The following ZNF804A variants were observed in gnomAD, a reference collection of about 807,000 sequenced individuals.
ZNF804A encodes the protein zinc finger protein 804A.
ZNF804A carries 2 observed loss-of-function variants against 16.5 expected under a neutral mutation model. That is an observed-to-expected ratio of 0.12 (90% CI 0.05 to 0.38). ZNF804A has a LOEUF of 0.38. ZNF804A is among the 10% of genes least tolerant of loss of function. The pLI is 0.99. For missense variants in ZNF804A, 1,473 were observed against 1,390.7 expected (o/e 1.06, Z -0.94); for synonymous variants, 534 against 489.6 (o/e 1.09, Z -1.20).
intron 1 of ZNF804A, among the ~76,000 whole-genome samples, chr2:184,711,882 C>G (rs1319219242): frequency 6.6e-6 from 1 of 151,656 alleles, no homozygotes; most frequent in Non-Finnish European, 1.5e-5. Flanking sequence ...ATTACTATAG[C>G]ATTGTAGTGT....
chr2:184,673,393 A>G (rs1432181886), intron 1 of ZNF804A, among the ~76,000 whole-genome samples: 1 of 152,208 alleles, frequency 6.6e-6, no homozygotes, highest in Non-Finnish European at 1.5e-5. Context: ...TTGCAATTCA[A>G]GTTACACATT....
At chr2:184,732,886 C>A (rs937549849) in intron 1 of ZNF804A, among the ~76,000 whole-genome samples, 1 of 152,058 alleles carries the variant, frequency 6.6e-6, no homozygotes, top group East Asian at 1.9e-4. Flanking sequence ...TGTTTTGCAA[C>A]CTTGCTGTAA....
intron 1 of ZNF804A, among the ~76,000 whole-genome samples, chr2:184,858,699 G>T (rs1456813518): frequency 6.6e-6 from 1 of 151,772 alleles, no homozygotes; most frequent in Admixed American, 6.6e-5. Flanking sequence ...TATATAAGTG[G>T]TCTATACACC....
chr2:184,829,455 C>A (rs1273970779), intron 1 of ZNF804A, among the ~76,000 whole-genome samples: 1 of 151,830 alleles, frequency 6.6e-6, no homozygotes, highest in East Asian at 1.9e-4. Flanking sequence ...ATTCTTCAAG[C>A]AATGTATTCT....
chr2:184,696,595 C>T (rs1199633048), intron 1 of ZNF804A, among the ~76,000 whole-genome samples: 2 of 151,990 alleles, frequency 1.3e-5, no homozygotes, highest in Non-Finnish European at 2.9e-5. Context: ...CAGCACAGTT[C>T]TCACTGAAAT....
At chr2:184,667,611 C>T (rs1183699299) in intron 1 of ZNF804A, among the ~76,000 whole-genome samples, 1 of 151,742 alleles carries the variant, frequency 6.6e-6, no homozygotes, top group East Asian at 1.9e-4. Context: ...TATTCATAAA[C>T]ATATTAGGAA....
At chr2:184,648,245 A>G (rs1355613187) in intron 1 of ZNF804A, among the ~76,000 whole-genome samples, 4 of 152,210 alleles carry the variant, frequency 2.6e-5, no homozygotes, top group Non-Finnish European at 5.9e-5. Context: ...CAGCCATACA[A>G]GAGATTTTTA....
chr2:184,717,340 T>G (rs995514876), intron 1 of ZNF804A, among the ~76,000 whole-genome samples: 16 of 152,320 alleles, frequency 1.1e-4, no homozygotes, highest in Non-Finnish European at 2.2e-4. Flanking sequence ...TTCTTTTTTT[T>G]AGATCTATTT....
At chr2:184,697,574 A>G (rs1692852715) in intron 1 of ZNF804A, among the ~76,000 whole-genome samples, 1 of 152,104 alleles carries the variant, frequency 6.6e-6, no homozygotes, top group African/African-American at 2.4e-5. Flanking sequence ...TACTTTCATG[A>G]TTAGGCTAAT....
intron 2 of ZNF804A, among the ~76,000 whole-genome samples, chr2:184,886,322 G>A (rs1157141742): frequency 1.3e-5 from 2 of 152,220 alleles, no homozygotes; most frequent in Non-Finnish European, 2.9e-5. Context: ...CTCGGCCCCT[G>A]TGGCTTTGTT....
chr2:184,616,571 T>C (rs373485684), intron 1 of ZNF804A, among the ~76,000 whole-genome samples: 3 of 152,138 alleles, frequency 2.0e-5, no homozygotes, highest in African/African-American at 4.8e-5. Flanking sequence ...AATGGACATG[T>C]GTTTATCAGA....
intron 1 of ZNF804A, among the ~76,000 whole-genome samples, chr2:184,833,214 T>C (rs1475354024): frequency 1.3e-5 from 2 of 152,188 alleles, no homozygotes; most frequent in African/African-American, 2.4e-5. Flanking sequence ...CTGTCTTACC[T>C]TGTACTTCTG....
intron 1 of ZNF804A, among the ~76,000 whole-genome samples, chr2:184,809,416 G>T (rs572764422): frequency 6.6e-6 from 1 of 151,866 alleles, no homozygotes; most frequent in African/African-American, 2.4e-5. Flanking sequence ...CAAAAGAAAA[G>T]TATTCTGGAT....
chr2:184,822,401 G>A lies in ZNF804A; in HGVS notation c.112-43968G>A, dbSNP rs567728842. Among the ~76,000 whole-genome samples the A allele has an allele frequency of 1.1e-4, 17 of 152,208 alleles. No individual in the cohort carries two copies. The East Asian group carries it at 2.5e-3, about 23-fold the overall frequency. On this transcript the variant is annotated intron_variant, in intron 1 of 3. Transcript: ENST00000302277. ...ATGGTGGGGAACGACACACACTGGG[G>A]CCTGGCAGAGCATCAGGAAGAATAG... is the stretch of plus-strand genomic sequence containing the variant.
At chr2:184,790,447 C>T (rs1694520511) in intron 1 of ZNF804A, among the ~76,000 whole-genome samples, 1 of 151,706 alleles carries the variant, frequency 6.6e-6, no homozygotes, top group Non-Finnish European at 1.5e-5. Context: ...ATGTTGAGGT[C>T]CCCCAGTATT....
At chr2:184,807,613 A>C (rs1367388106) in intron 1 of ZNF804A, among the ~76,000 whole-genome samples, 5 of 151,854 alleles carry the variant, frequency 3.3e-5, no homozygotes, top group Non-Finnish European at 5.9e-5. Flanking sequence ...TGTTTTAAAA[A>C]ATGCAAGAAA....
chr2:184,798,520 A>T (rs1295547572), intron 1 of ZNF804A, among the ~76,000 whole-genome samples: 2 of 151,900 alleles, frequency 1.3e-5, no homozygotes, highest in Admixed American at 6.6e-5. Context: ...TACTTGTTCA[A>T]TTCTATTGCT....
intron 1 of ZNF804A, among the ~76,000 whole-genome samples, chr2:184,640,300 T>C (rs1691773787): frequency 6.6e-6 from 1 of 151,960 alleles, no homozygotes; most frequent in Admixed American, 6.6e-5. Context: ...CTTTATTTCA[T>C]AGGACATTAT....
chr2:184,848,270 G>A (rs1199763429), intron 1 of ZNF804A, among the ~76,000 whole-genome samples: 2 of 151,952 alleles, frequency 1.3e-5, no homozygotes, highest in South Asian at 2.1e-4. Flanking sequence ...GCAGCTCTGT[G>A]CCAGGAACAA....
Sources: gnomAD v4.1 joint callset for allele counts (sites outside exome capture counted in the v4.1 genomes callset) on GRCh38, gnomAD v4.1.1 for gene constraint, MANE v1.5 for transcripts, NCBI Gene and HGNC (gene_info 2026-07-23, HGNC 2026-07-21) for gene names.